HIVEP3: variants seen among roughly 807,000 people sequenced by gnomAD.
HIVEP3 encodes transcription factor HIVEP3.
A neutral mutation model predicts 152.8 loss-of-function variants in HIVEP3; 49 were observed. The observed-to-expected ratio is 0.32, with a 90% confidence interval of 0.26 to 0.41. HIVEP3 has a LOEUF of 0.41. Among genes scored for constraint, HIVEP3 ranks in the 10% least tolerant of loss-of-function variants. HIVEP3 has a pLI of 1.00. For missense variants in HIVEP3, 2,790 were observed against 3,103.3 expected (o/e 0.90, Z 2.40); for synonymous variants, 1,269 against 1,289.0 (o/e 0.98, Z 0.33).
At chr1:41,628,263 G>A (rs1360805570) in intron 3 of HIVEP3, among the ~76,000 whole-genome samples, 7 of 152,218 alleles carry the variant, frequency 4.6e-5, no homozygotes, top group Non-Finnish European at 8.8e-5. Flanking sequence ...AAAGGGGACT[G>A]AAGACCTGCT....
In HIVEP3 at chr1:41,661,968, G is replaced by A. The variant is rs528867601; in HGVS notation, c.-720-33021C>T. Among the ~76,000 whole-genome samples the A allele has an allele frequency of 2.8e-3, 420 of 152,248 alleles. 1 individual carries two copies. The highest frequency in any genetic ancestry group is 6.8e-3 in the South Asian group (33 of 4,828). On this transcript the variant is annotated intron_variant, in intron 2 of 8. Transcript: ENST00000372583. Reference sequence around the variant, plus strand: ...AAGAAGCCGGGGCCCCTCACTCCAAGGGTCCCGGGAGTTGGCACCGACGCA... The same window carrying A: ...AAGAAGCCGGGGCCCCTCACTCCAAAGGTCCCGGGAGTTGGCACCGACGCA...
chr1:41,655,582 C>CAAAAA (rs55918119), intron 2 of HIVEP3, among the ~76,000 whole-genome samples: 46 of 57,404 alleles, frequency 8.0e-4, no homozygotes, highest in African/African-American at 2.0e-3. Flanking sequence ...CACTCCATCT[C>CAAAAA]AAAAAAAAAA....
chr1:41,580,747 C>T lies in HIVEP3; in HGVS notation c.4051G>A (p.Ala1351Thr), dbSNP rs1164131095. 4.4e-6 allele frequency: 7 copies of T among 1,588,022 alleles called. No homozygotes were observed. The highest frequency in any genetic ancestry group is 6.0e-6 in the Non-Finnish European group (7 of 1,167,666). ...ILVTQSQGSS[A>T]TVALPKFEEP... The stretch of plus-strand genomic sequence containing the variant: ...TCAAACTTGGGAAGTGCCACAGTTG[C>T]TGAGCTGCCTTGGGACTGGGTGACC... Residue 1351 changes from alanine (A) to threonine (T), a missense_variant, in exon 4 of 9, where the codon GCA (alanine) becomes ACA (threonine). Physicochemically the swap from Ala to Thr is moderately conservative, Grantham distance 58. Around this residue, in one of 9 missense-constraint regions of HIVEP3, gnomAD observed 1,078 missense variants for 1,165.3 expected, o/e 0.93. Transcript: ENST00000372583.
chr1:41,969,741 CAA>C (rs1245686814), intron 1 of HIVEP3, among the ~76,000 whole-genome samples: 1 of 152,078 alleles, frequency 6.6e-6, no homozygotes, highest in Non-Finnish European at 1.5e-5. Flanking sequence ...TTCTGCACAG[CAA>C]AAGAAATTTT....
chr1:41,825,067 A>G (rs1642756885), intron 1 of HIVEP3, among the ~76,000 whole-genome samples: 2 of 152,074 alleles, frequency 1.3e-5, no homozygotes, highest in Admixed American at 6.6e-5. Flanking sequence ...AGTGTGAGCA[A>G]CAAGGCTGTT....
At chr1:41,895,288 G>A (rs1300028714) in intron 1 of HIVEP3, among the ~76,000 whole-genome samples, 2 of 152,078 alleles carry the variant, frequency 1.3e-5, no homozygotes, top group Non-Finnish European at 2.9e-5. Context: ...CCTTCCATCT[G>A]CCCACTTTGG....
At chr1:41,994,724 T>C (rs943492209) in intron 1 of HIVEP3, among the ~76,000 whole-genome samples, 1 of 152,198 alleles carries the variant, frequency 6.6e-6, no homozygotes, top group African/African-American at 2.4e-5. Flanking sequence ...CAGTCTCAAG[T>C]AGTTATTTAT....
At chr1:41,824,428 T>C (rs1642697036) in intron 1 of HIVEP3, among the ~76,000 whole-genome samples, 1 of 152,070 alleles carries the variant, frequency 6.6e-6, no homozygotes, top group Non-Finnish European at 1.5e-5. Flanking sequence ...GTCAGAAAGG[T>C]AATGCCTCCT....
chr1:41,694,448 C>CG (rs1646242943), intron 2 of HIVEP3, among the ~76,000 whole-genome samples: 1 of 152,056 alleles, frequency 6.6e-6, no homozygotes, highest in Non-Finnish European at 1.5e-5. Flanking sequence ...AGATATTTGC[C>CG]GGGTGAATGA....
At chr1:41,950,893 G>T (rs571141531) in intron 1 of HIVEP3, among the ~76,000 whole-genome samples, 6 of 152,332 alleles carry the variant, frequency 3.9e-5, no homozygotes, top group Non-Finnish European at 8.8e-5. Context: ...AAGTAAAAAT[G>T]ATACTTTGTT....
At chr1:42,014,604 T>C (rs1645511595) in intron 1 of HIVEP3, among the ~76,000 whole-genome samples, 1 of 152,134 alleles carries the variant, frequency 6.6e-6, no homozygotes, top group African/African-American at 2.4e-5. Context: ...GTGATGCCGA[T>C]CTGTCCTCTC....
intron 1 of HIVEP3, among the ~76,000 whole-genome samples, chr1:41,753,955 C>T (rs1271079873): frequency 6.6e-6 from 1 of 152,070 alleles, no homozygotes; most frequent in Non-Finnish European, 1.5e-5. Flanking sequence ...GAGGAGAAGG[C>T]AGCAAAGGCA....
intron 1 of HIVEP3, among the ~76,000 whole-genome samples, chr1:41,872,177 C>G (rs1490279411): frequency 6.6e-6 from 1 of 152,164 alleles, no homozygotes; most frequent in Non-Finnish European, 1.5e-5. Context: ...AATCAGGCAG[C>G]CCCCAGAATC....
intron 1 of HIVEP3, among the ~76,000 whole-genome samples, chr1:41,727,016 C>G (rs987534104): frequency 6.6e-6 from 1 of 152,136 alleles, no homozygotes; most frequent in Non-Finnish European, 1.5e-5. Flanking sequence ...GGTGTCTCAG[C>G]GCGGGAGGCA....
chr1:41,973,787 G>A (rs1557545482), intron 1 of HIVEP3, among the ~76,000 whole-genome samples: 2 of 152,136 alleles, frequency 1.3e-5, no homozygotes, highest in Non-Finnish European at 2.9e-5. Context: ...CAGGGCAATC[G>A]GTAAGACTAT....
intron 1 of HIVEP3, among the ~76,000 whole-genome samples, chr1:41,811,946 C>A (rs183753232): frequency 1.3e-5 from 2 of 151,988 alleles, no homozygotes; most frequent in Admixed American, 6.6e-5. Context: ...CCCAGAGAAG[C>A]CCCCGAGTGC....
chr1:41,749,247 T>C (rs548259486), intron 1 of HIVEP3, among the ~76,000 whole-genome samples: 1 of 152,282 alleles, frequency 6.6e-6, no homozygotes, highest in South Asian at 2.1e-4. Flanking sequence ...CTGGTAGGGA[T>C]GGGTCACCCT....
At chr1:41,973,845 G>A (rs192383843) in intron 1 of HIVEP3, among the ~76,000 whole-genome samples, 1 of 152,340 alleles carries the variant, frequency 6.6e-6, no homozygotes, top group Admixed American at 6.5e-5. Context: ...ATCCAAGAAA[G>A]GATGGCGTCA....
chr1:41,622,206 G>A (rs561715520), intron 3 of HIVEP3, among the ~76,000 whole-genome samples: 19 of 152,332 alleles, frequency 1.2e-4, no homozygotes, highest in African/African-American at 4.6e-4. Context: ...CCCTCTCATG[G>A]AGAGACAGAT....
Sources: gnomAD v4.1 joint callset for allele counts (sites outside exome capture counted in the v4.1 genomes callset) on GRCh38, gnomAD v4.1.1 for gene constraint, gnomAD v4.1.1 regional missense constraint, MANE v1.5 for transcripts, NCBI Gene and HGNC (gene_info 2026-07-23, HGNC 2026-07-21) for gene names.